TLR2: variants seen among roughly 807,000 people sequenced by gnomAD.
The protein encoded by TLR2 is toll-like receptor 2.
A neutral mutation model predicts 9.1 loss-of-function variants in TLR2; 7 were observed. That is an observed-to-expected ratio of 0.77 (90% CI 0.44 to 1.44). The LOEUF (loss-of-function observed/expected upper bound fraction) is 1.44. Ranked by LOEUF, TLR2 falls within the 40% of genes most tolerant of loss-of-function variation. The probability of loss-of-function intolerance (pLI) is 0.01; values close to 1 mark genes in which losing one functional copy is unlikely to be tolerated. For synonymous variants in TLR2, 317 were observed against 344.6 expected (o/e 0.92, Z 0.89); for missense variants, 812 against 904.6 (o/e 0.90, Z 1.31).
chr4:153,703,207 CA>C lies in TLR2; in HGVS notation c.301del (p.Ser101ValfsTer5). On this transcript the variant is annotated frameshift_variant, in exon 3 of 3. Coordinates refer to ENST00000642700, the MANE Select transcript of TLR2 (RefSeq NM_001318789.2). LOFTEE classifies it low-confidence loss of function (END_TRUNC). ...AGGAAGATTCTTTTTCTTCCCTGGGCAGTCTTGAACATTTAGACTTATCCTA... is the reference window on the plus strand; with the variant it reads ...AGGAAGATTCTTTTTCTTCCCTGGGCGTCTTGAACATTTAGACTTATCCTA... Reference protein sequence around the residue: ...IEEDSFSSLGSLEHLDLSYNY... With the variant: ...IEEDSFSSLGXLEHLDLSYNY... 1 of 1,614,178 alleles carries C rather than the reference CA, an allele frequency of 6.2e-7. No homozygotes were observed. Among genetic ancestry groups the C allele is most frequent in the Non-Finnish European group, 8.5e-7 (1 of 1,180,028 alleles).
At chr4:153,684,742 G>C (rs1264585887) in intron 1 of TLR2, among the ~76,000 whole-genome samples, 1 of 151,358 alleles carries the variant, frequency 6.6e-6, no homozygotes, top group Non-Finnish European at 1.5e-5. Flanking sequence ...TGCAGGCCCC[G>C]GGGGGGTTGC....
chr4:153,702,762 T>TTTGTG (rs1736990781), intron 2 of TLR2, 130 bp from the exon 3 acceptor site: 3 of 417,094 alleles, frequency 7.2e-6, no homozygotes, highest in Non-Finnish European at 1.3e-5. Context: ...CTCTCTCTCT[T>TTTGTG]TGTGTGTGTG....
In TLR2 at chr4:153,704,884, G is replaced by T. The variant is rs1405266064; in HGVS notation, c.1977G>T (p.Met659Ile). The T allele has an allele frequency of 6.2e-7, 1 of 1,613,594 alleles. No individual in the cohort carries two copies. The highest frequency in any genetic ancestry group is 8.5e-7 in the Non-Finnish European group (1 of 1,180,020). Reference sequence around the variant, plus strand: ...ATGCCTACTGGGTGGAGAACCTTATGGTCCAGGAGCTGGAGAACTTCAATC... The same window carrying T: ...ATGCCTACTGGGTGGAGAACCTTATTGTCCAGGAGCTGGAGAACTTCAATC... ...ERDAYWVENL[M>I]VQELENFNPP... The change falls in exon 3 of 3, where the codon ATG becomes ATT. Residue 659 changes from methionine (M) to isoleucine (I), a missense_variant. Transcript: ENST00000642700.
At chr4:153,686,032 A>G (rs1735677933) in intron 1 of TLR2, among the ~76,000 whole-genome samples, 1 of 152,238 alleles carries the variant, frequency 6.6e-6, no homozygotes. Flanking sequence ...GAGAGAGAGC[A>G]AGAGAGGACA....
At chr4:153,693,492 C>T (rs192707303) in intron 2 of TLR2, among the ~76,000 whole-genome samples, 12 of 152,262 alleles carry the variant, frequency 7.9e-5, no homozygotes, top group East Asian at 1.9e-4. Flanking sequence ...TGAGAGTGGT[C>T]GCTCGAGGTG....
chr4:153,708,730 ATGTTTT>A (rs1737410272), downstream of TLR2, among the ~76,000 whole-genome samples: 1 of 152,098 alleles, frequency 6.6e-6, no homozygotes, highest in Non-Finnish European at 1.5e-5. Flanking sequence ...TCCCAGGAAA[ATGTTTT>A]CTCCCCTTTT....
chr4:153,692,651 G>T (rs1486722377), intron 2 of TLR2, among the ~76,000 whole-genome samples: 2 of 152,124 alleles, frequency 1.3e-5, no homozygotes, highest in Non-Finnish European at 2.9e-5. Flanking sequence ...ATCATATGTT[G>T]ACTTTGAGGG....
chr4:153,684,456 C>T (rs1735527936), intron 1 of TLR2, 96 bp downstream of exon 1: 1 of 152,426 alleles, frequency 6.6e-6, no homozygotes, highest in African/African-American at 2.4e-5. Flanking sequence ...CGGTCACGGG[C>T]TCTGGGGAAC....
intron 2 of TLR2, among the ~76,000 whole-genome samples, chr4:153,699,493 A>G (rs947462809): frequency 1.3e-5 from 2 of 152,182 alleles, no homozygotes; most frequent in African/African-American, 4.8e-5. Flanking sequence ...ATCCCCTTCA[A>G]ACATTAGCTA....
Position 153,705,403 on chromosome 4 carries a change from T to G in TLR2, c.*141T>G. 1.0e-6 allele frequency: 1 copy of G among 976,030 alleles called. No homozygotes were observed. The highest frequency in any genetic ancestry group is 1.4e-6 in the Non-Finnish European group (1 of 699,462). 60.5% of individuals were successfully genotyped at this position (976,030 alleles called of 1,614,324 possible). A position where few individuals can be genotyped will look rare whatever the true frequency, so the allele number is the denominator to read the frequency against. On this transcript the variant is annotated 3_prime_UTR_variant, in exon 3 of 3. Transcript: ENST00000642700. ...ACTTGCTTACTAAAACTACAAAACT[T>G]CAAATTTTGTCTGGGGTGCTGTTTT...
chr4:153,694,081 A>G (rs1736317053), intron 2 of TLR2, among the ~76,000 whole-genome samples: 1 of 152,262 alleles, frequency 6.6e-6, no homozygotes, highest in Non-Finnish European at 1.5e-5. Flanking sequence ...ATTGACAGCA[A>G]GCCGGTGATA....
At chr4:153,696,978 T>A (rs1736550198) in intron 2 of TLR2, among the ~76,000 whole-genome samples, 1 of 152,090 alleles carries the variant, frequency 6.6e-6, no homozygotes, top group South Asian at 2.1e-4. Context: ...CTATAAAGTA[T>A]GAGGGGATGT....
At chr4:153,706,460 AC>A (rs1316004670), downstream of TLR2, among the ~76,000 whole-genome samples, 1 of 152,254 alleles carries the variant, frequency 6.6e-6, no homozygotes, top group Non-Finnish European at 1.5e-5. Context: ...TTTAAAAAGT[AC>A]ATGTGAGCTA....
chr4:153,698,223 G>C (rs971284147), intron 2 of TLR2, among the ~76,000 whole-genome samples: 2 of 152,126 alleles, frequency 1.3e-5, no homozygotes, highest in African/African-American at 4.8e-5. Flanking sequence ...GAAGTGGATT[G>C]GTTCATAAAA....
rs144038898 is a variant in TLR2 at position 153,704,107 on chromosome 4, A to G, written c.1200A>G (p.Ala400=). ...TAATTTTAAGGCAAAATCATTTGGC[A>G]TCATTGGAAAAAACCGGAGAGACTT... ...QTLILRQNHL[A]SLEKTGETLL... The change falls in exon 3 of 3, where the codon GCA becomes GCG. Residue 400 remains alanine (A), a synonymous_variant. Transcript: ENST00000642700. 207 of 1,614,110 alleles carry G rather than the reference A, an allele frequency of 1.3e-4. 2 individuals carry two copies. The East Asian group carries it at 4.3e-3, about 33-fold the overall frequency.
intron 2 of TLR2, 104 bp from the exon 3 acceptor site, chr4:153,702,788 G>GTGTA: frequency 1.5e-6 from 1 of 659,900 alleles, no homozygotes. Flanking sequence ...GTGTGTGTGT[G>GTGTA]TGTGTGTGTG....
intron 2 of TLR2, among the ~76,000 whole-genome samples, chr4:153,694,794 C>T (rs1442526077): frequency 2.6e-5 from 4 of 152,246 alleles, no homozygotes; most frequent in South Asian, 2.1e-4. Flanking sequence ...TATTTGTGTA[C>T]CCATTAACCA....
chr4:153,687,877 T>A (rs2127011756), intron 1 of TLR2, 25 bp from the exon 2 acceptor site: 1 of 152,308 alleles, frequency 6.6e-6, no homozygotes, highest in African/African-American at 2.4e-5. Context: ...TAAAATAAAC[T>A]CTGTCAAATT....
At chr4:153,690,277 T>A (rs1046452073) in intron 2 of TLR2, among the ~76,000 whole-genome samples, 1 of 152,254 alleles carries the variant, frequency 6.6e-6, no homozygotes, top group African/African-American at 2.4e-5. Flanking sequence ...TGTCCTGTAA[T>A]CCCTGTTTCC....
Sources: gnomAD v4.1 joint callset for allele counts (sites outside exome capture counted in the v4.1 genomes callset) on GRCh38, gnomAD v4.1.1 for gene constraint, MANE v1.5 for transcripts, NCBI Gene and HGNC (gene_info 2026-07-23, HGNC 2026-07-21) for gene names.